Variants in PDSS2 observed in about 807,000 individuals in gnomAD.
PDSS2 encodes the protein all trans-polyprenyl-diphosphate synthase PDSS2.
In PDSS2, 31 loss-of-function variants were observed where a neutral mutation model predicts 44.5. That is an observed-to-expected ratio of 0.70 (90% CI 0.52 to 0.94). PDSS2 has a LOEUF of 0.94. PDSS2 is among the 40% of genes least tolerant of loss of function. The pLI is 0.00. For missense variants in PDSS2, 452 were observed against 482.2 expected, an observed-to-expected ratio of 0.94 and a Z score of 0.59; for synonymous variants, 157 against 180.3, an observed-to-expected ratio of 0.87 and a Z score of 1.03.
At chr6:107,359,223 G>C (rs1316184595) in intron 1 of PDSS2, among the ~76,000 whole-genome samples, 2 of 151,376 alleles carry the variant, frequency 1.3e-5, no homozygotes, top group Non-Finnish European at 2.9e-5. Context: ...TGTTGGCCAG[G>C]CTGGTCTCAA....
At chr6:107,169,191 TC>T (rs1169075177) in intron 7 of PDSS2, among the ~76,000 whole-genome samples, 1 of 152,182 alleles carries the variant, frequency 6.6e-6, no homozygotes, top group Non-Finnish European at 1.5e-5. Flanking sequence ...TCCTCTTTTT[TC>T]TCTAAACTTC....
At chr6:107,161,307 C>T (rs543083382) in intron 7 of PDSS2, among the ~76,000 whole-genome samples, 2 of 151,862 alleles carry the variant, frequency 1.3e-5, no homozygotes, top group South Asian at 2.1e-4. Flanking sequence ...AGAGAAACCC[C>T]GTCTCTACTA....
At chr6:107,236,410 G>A (rs1463480268) in intron 4 of PDSS2, among the ~76,000 whole-genome samples, 6 of 151,456 alleles carry the variant, frequency 4.0e-5, no homozygotes, top group African/African-American at 7.3e-5. Context: ...GGAGGTTGCC[G>A]TGAGCTGAGA....
At chr6:107,208,314 T>A (rs1317517344) in intron 6 of PDSS2, among the ~76,000 whole-genome samples, 81 of 90,588 alleles carry the variant, frequency 8.9e-4, no homozygotes, top group East Asian at 2.7e-3. Context: ...TTTTTTTTTT[T>A]TAAAGACAGT....
intron 1 of PDSS2, among the ~76,000 whole-genome samples, chr6:107,337,336 T>C (rs1283781844): frequency 2.0e-5 from 3 of 152,156 alleles, no homozygotes; most frequent in Non-Finnish European, 4.4e-5. Flanking sequence ...CAACAGGCTC[T>C]AGAGTCTACA....
intron 6 of PDSS2, among the ~76,000 whole-genome samples, chr6:107,196,924 A>C (rs1236580570): frequency 6.6e-6 from 1 of 152,074 alleles, no homozygotes; most frequent in Non-Finnish European, 1.5e-5. Flanking sequence ...AATTTGGAGA[A>C]CTTCTGGGGA....
At chr6:107,345,503 T>C (rs1778214161) in intron 1 of PDSS2, among the ~76,000 whole-genome samples, 1 of 151,724 alleles carries the variant, frequency 6.6e-6, no homozygotes, top group Admixed American at 6.6e-5. Context: ...ATTGTTCAAC[T>C]GACAATTACT....
At chr6:107,433,018 T>C (rs1781239958) in intron 1 of PDSS2, among the ~76,000 whole-genome samples, 1 of 152,150 alleles carries the variant, frequency 6.6e-6, no homozygotes, top group African/African-American at 2.4e-5. Context: ...AAGTGGGACA[T>C]GTGGTATGTA....
chr6:107,283,896 A>G (rs1776054011), intron 2 of PDSS2, among the ~76,000 whole-genome samples: 1 of 151,800 alleles, frequency 6.6e-6, no homozygotes, highest in Non-Finnish European at 1.5e-5. Context: ...TTAGCCAGGC[A>G]TGGTGGCTCA....
chr6:107,405,296 T>C (rs995534368), intron 1 of PDSS2, among the ~76,000 whole-genome samples: 1 of 151,794 alleles, frequency 6.6e-6, no homozygotes, highest in African/African-American at 2.4e-5. Context: ...GTCCTAAACA[T>C]GGAAACGAAA....
At chr6:107,343,281 G>A (rs1778136780) in intron 1 of PDSS2, among the ~76,000 whole-genome samples, 1 of 151,836 alleles carries the variant, frequency 6.6e-6, no homozygotes, top group African/African-American at 2.4e-5. Context: ...TTTTCATTTA[G>A]ATACAGACAA....
intron 3 of PDSS2, among the ~76,000 whole-genome samples, chr6:107,248,536 A>T (rs902010912): frequency 7.0e-6 from 1 of 143,664 alleles, no homozygotes; most frequent in African/African-American, 2.6e-5. Context: ...AAAAAAAAAA[A>T]AGCAGAATAC....
intron 7 of PDSS2, among the ~76,000 whole-genome samples, chr6:107,191,232 G>A (rs1230675499): frequency 6.6e-6 from 1 of 152,172 alleles, no homozygotes; most frequent in East Asian, 1.9e-4. Context: ...GAAACGGTCA[G>A]ATTGGTGGTT....
intron 1 of PDSS2, among the ~76,000 whole-genome samples, chr6:107,420,188 T>C (rs994234039): frequency 2.6e-5 from 4 of 152,204 alleles, no homozygotes; most frequent in African/African-American, 9.6e-5. Context: ...TAGGAATCAC[T>C]TCCTATTCCA....
chr6:107,347,026 TG>T (rs1202994824), intron 1 of PDSS2, among the ~76,000 whole-genome samples: 1 of 152,054 alleles, frequency 6.6e-6, no homozygotes, highest in Non-Finnish European at 1.5e-5. Context: ...CCACGGAGGC[TG>T]GGAAAAGTCT....
chr6:107,256,253 A>T (rs1180253364), intron 3 of PDSS2, among the ~76,000 whole-genome samples: 1 of 152,122 alleles, frequency 6.6e-6, no homozygotes, highest in East Asian at 1.9e-4. Context: ...GGCCTCCCAA[A>T]GTGCTGGGAT....
intron 4 of PDSS2, among the ~76,000 whole-genome samples, chr6:107,223,937 C>T (rs926572550): frequency 6.6e-6 from 1 of 151,168 alleles, no homozygotes; most frequent in Non-Finnish European, 1.5e-5. Context: ...GGTGGGTGAG[C>T]GAGCATTACT....
chr6:107,334,483 G>T, intron 1 of PDSS2, 151 bp from the exon 2 acceptor site: 1 of 702,750 alleles, frequency 1.4e-6, no homozygotes, highest in Non-Finnish European at 2.5e-6. Flanking sequence ...ATTAATGTGA[G>T]GATGCCATGA....
At chr6:107,380,373 C>T (rs548465097) in intron 1 of PDSS2, among the ~76,000 whole-genome samples, 2 of 152,242 alleles carry the variant, frequency 1.3e-5, no homozygotes, top group South Asian at 4.2e-4. Context: ...GTTTCTCAGT[C>T]TTTTTCCCCC....
Sources: allele counts gnomAD v4.1 joint callset (sites outside exome capture counted in the v4.1 genomes callset), GRCh38; gene constraint gnomAD v4.1.1; transcripts MANE v1.5; gene names NCBI Gene and HGNC (gene_info 2026-07-23, HGNC 2026-07-21).